Variants in KLF12 observed in about 807,000 individuals in gnomAD.
KLF12 encodes the protein Krueppel-like factor 12.
KLF12 carries 9 observed loss-of-function variants against 37.8 expected under a neutral mutation model. The ratio of observed to expected loss-of-function variants is 0.24; its 90% CI spans 0.14 to 0.42. The LOEUF is 0.42. KLF12 is among the 10% of genes least tolerant of loss of function. The pLI is 1.00. For missense variants in KLF12, 411 were observed against 516.0 expected (o/e 0.80, Z 1.97); for synonymous variants, 208 against 202.1 (o/e 1.03, Z -0.25).
intron 7 of KLF12, among the ~76,000 whole-genome samples, chr13:73,707,642 T>C (rs998773055): frequency 6.6e-6 from 1 of 152,190 alleles, no homozygotes; most frequent in African/African-American, 2.4e-5. Context: ...GAATGAGCTA[T>C]TTAATTAATG....
At chr13:74,078,239 T>C (rs1362416557) in intron 1 of KLF12, among the ~76,000 whole-genome samples, 2 of 152,288 alleles carry the variant, frequency 1.3e-5, no homozygotes, top group East Asian at 1.9e-4. Context: ...ATTCCATGCA[T>C]AGAAGTATAA....
chr13:74,238,608 C>A, the KLF12 span, among the ~76,000 whole-genome samples: 5 of 141,652 alleles, frequency 3.5e-5, no homozygotes, highest in Non-Finnish European at 7.5e-5. Context: ...ATTATTGCCA[C>A]AATTTCAGAT....
chr13:74,104,128 C>G (rs1163110894), intron 1 of KLF12, among the ~76,000 whole-genome samples: 1 of 152,162 alleles, frequency 6.6e-6, no homozygotes, highest in African/African-American at 2.4e-5. Context: ...TAGGAAGTAT[C>G]CCAGATAAGG....
At chr13:73,735,527 T>C (rs1877388750) in intron 6 of KLF12, among the ~76,000 whole-genome samples, 1 of 152,050 alleles carries the variant, frequency 6.6e-6, no homozygotes, top group Admixed American at 6.5e-5. Flanking sequence ...GGGAATGGGC[T>C]GAGCGAGGCA....
rs138812420 is a variant in KLF12 at position 73,845,998 on chromosome 13, C to T, written c.499G>A (p.Val167Ile). ...AAATTCATGGGACTTGAAGGCGGTA[C>T]GGGATGGATAATGTGCAAAAACTGC... Residue 167 changes from valine to isoleucine, a missense_variant, in exon 4 of 8, where the codon GTA (valine) becomes ATA (isoleucine). Around this residue, in one of 2 missense-constraint regions of KLF12, gnomAD observed 351 missense variants for 397.8 expected, o/e 0.88. Transcript: ENST00000377669. The T allele has an allele frequency of 1.1e-5, 17 of 1,614,044 alleles. No homozygotes were observed. Among genetic ancestry groups the T allele is most frequent in the Middle Eastern group, 3.3e-4 (2 of 6,062 alleles).
chr13:74,296,652 A>G, the KLF12 span, among the ~76,000 whole-genome samples: 763 of 152,320 alleles, frequency 5.0e-3, 2 homozygotes, highest in Non-Finnish European at 8.0e-3. Context: ...TATTTTAATG[A>G]TACCTTTTTG....
At chr13:74,178,437 C>A in the KLF12 span, among the ~76,000 whole-genome samples, 43 of 152,180 alleles carry the variant, frequency 2.8e-4, no homozygotes, top group African/African-American at 9.9e-4. Context: ...TATAAGCAGG[C>A]AATTAGTAGT....
At chr13:73,762,526 T>C (rs182959450) in intron 6 of KLF12, among the ~76,000 whole-genome samples, 1 of 152,314 alleles carries the variant, frequency 6.6e-6, no homozygotes, top group Admixed American at 6.5e-5. Context: ...GAACTTTAAT[T>C]ACTTATTTGA....
At chr13:74,165,395 T>C in the KLF12 span, among the ~76,000 whole-genome samples, 2 of 151,338 alleles carry the variant, frequency 1.3e-5, no homozygotes, top group African/African-American at 4.9e-5. Flanking sequence ...CACCTCCTAG[T>C]TCAAGTGATC....
At chr13:73,707,015 T>C (rs1875001256) in intron 7 of KLF12, among the ~76,000 whole-genome samples, 1 of 152,224 alleles carries the variant, frequency 6.6e-6, no homozygotes, top group South Asian at 2.1e-4. Flanking sequence ...TCTTGCTCTC[T>C]CATTACTTTA....
At chr13:73,780,726 T>G (rs1300240716) in intron 5 of KLF12, among the ~76,000 whole-genome samples, 1 of 152,212 alleles carries the variant, frequency 6.6e-6, no homozygotes, top group Non-Finnish European at 1.5e-5. Flanking sequence ...CCTCCCAAAG[T>G]GCTGGGATTA....
At chr13:73,764,833 T>C in intron 6 of KLF12, 105 bp downstream of exon 6, 1 of 666,722 alleles carries the variant, frequency 1.5e-6, no homozygotes, top group Non-Finnish European at 2.6e-6. Context: ...TTAGCAGGTA[T>C]GTACTCTGTA....
At chr13:74,043,789 G>A (rs1893471637) in intron 1 of KLF12, among the ~76,000 whole-genome samples, 1 of 152,138 alleles carries the variant, frequency 6.6e-6, no homozygotes, top group African/African-American at 2.4e-5. Flanking sequence ...ATCTAGTTTT[G>A]GCAAATTAGG....
upstream of KLF12, among the ~76,000 whole-genome samples, chr13:74,137,856 G>A (rs1878603451): frequency 6.6e-6 from 1 of 152,172 alleles, no homozygotes; most frequent in African/African-American, 2.4e-5. Context: ...CGCCTCCCGC[G>A]TTCAAGCGAT....
intron 5 of KLF12, among the ~76,000 whole-genome samples, chr13:73,790,052 G>GA (rs1881593811): frequency 6.6e-6 from 1 of 152,110 alleles, no homozygotes; most frequent in Non-Finnish European, 1.5e-5. Context: ...TTGTAGGGAT[G>GA]AAAAACAGGT....
chr13:74,007,387 C>A (rs1182640852), intron 1 of KLF12, among the ~76,000 whole-genome samples: 1 of 151,742 alleles, frequency 6.6e-6, no homozygotes, highest in Non-Finnish European at 1.5e-5. Context: ...ACGTCATTCT[C>A]CTGCCTCAGT....
intron 1 of KLF12, among the ~76,000 whole-genome samples, chr13:74,066,206 C>T (rs76817427): frequency 0.087 from 13,196 of 152,110 alleles, 760 homozygotes; most frequent in Non-Finnish European, 0.13. Flanking sequence ...TCAGACTGTA[C>T]GATGTTATTC....
At chr13:74,140,272 C>G in the KLF12 span, among the ~76,000 whole-genome samples, 368 of 152,178 alleles carry the variant, frequency 2.4e-3, 1 homozygote, top group South Asian at 5.2e-3. Flanking sequence ...CTTACAGGCT[C>G]AATACTTTGG....
chr13:74,261,545 G>A, the KLF12 span, among the ~76,000 whole-genome samples: 1 of 152,138 alleles, frequency 6.6e-6, no homozygotes, highest in Admixed American at 6.5e-5. Flanking sequence ...GATAAAAAAA[G>A]TTTGTGATAA....
Sources: allele counts gnomAD v4.1 joint callset (sites outside exome capture counted in the v4.1 genomes callset), GRCh38; gene constraint gnomAD v4.1.1; regional missense constraint gnomAD v4.1.1; transcripts MANE v1.5; gene names NCBI Gene and HGNC (gene_info 2026-07-23, HGNC 2026-07-21).